Variants in KCNQ5 observed in about 807,000 individuals in gnomAD.
The protein encoded by KCNQ5 is potassium voltage-gated channel subfamily KQT member 5.
A neutral mutation model predicts 98.2 loss-of-function variants in KCNQ5; 30 were observed. That is an observed-to-expected ratio of 0.31 (90% CI 0.23 to 0.41). The LOEUF (loss-of-function observed/expected upper bound fraction) is 0.41, where lower values mean the gene tolerates loss of function less well. KCNQ5 is among the 10% of genes least tolerant of loss of function. KCNQ5 has a pLI of 1.00. For synonymous variants in KCNQ5, 458 were observed against 449.4 expected (o/e 1.02, Z -0.24); for missense variants, 835 against 1,182.5 (o/e 0.71, Z 4.31).
chr6:73,168,583 A>G (rs899724816), intron 10 of KCNQ5, among the ~76,000 whole-genome samples: 1 of 152,098 alleles, frequency 6.6e-6, no homozygotes, highest in African/African-American at 2.4e-5. Context: ...CGGTCCTGTA[A>G]TCCCAGCTAC....
At chr6:72,853,725 G>A (rs1375721644) in intron 1 of KCNQ5, among the ~76,000 whole-genome samples, 1 of 152,188 alleles carries the variant, frequency 6.6e-6, no homozygotes, top group Non-Finnish European at 1.5e-5. Context: ...AGGCACTGAA[G>A]GGAAGTGAAG....
intron 10 of KCNQ5, among the ~76,000 whole-genome samples, chr6:73,153,563 G>A (rs1777235707): frequency 6.6e-6 from 1 of 152,112 alleles, no homozygotes; most frequent in African/African-American, 2.4e-5. Context: ...ATCAAGTTCA[G>A]TCAAAGGCTA....
chr6:72,642,425 C>A (rs1051071733), intron 1 of KCNQ5, among the ~76,000 whole-genome samples: 4 of 151,890 alleles, frequency 2.6e-5, no homozygotes, highest in Non-Finnish European at 4.4e-5. Context: ...CACAGATCAA[C>A]CCTATCACCC....
intron 1 of KCNQ5, among the ~76,000 whole-genome samples, chr6:72,812,364 A>G (rs1419149783): frequency 6.6e-6 from 1 of 152,196 alleles, no homozygotes; most frequent in Non-Finnish European, 1.5e-5. Context: ...TGCCTCTGAC[A>G]CTACAATGCG....
At chr6:72,744,048 G>A (rs775372838) in intron 1 of KCNQ5, among the ~76,000 whole-genome samples, 6 of 152,058 alleles carry the variant, frequency 3.9e-5, no homozygotes, top group Non-Finnish European at 5.9e-5. Flanking sequence ...ATAATCACCA[G>A]GTCAGGGAAA....
intron 1 of KCNQ5, among the ~76,000 whole-genome samples, chr6:72,679,638 G>A (rs1767596139): frequency 6.6e-6 from 1 of 151,596 alleles, no homozygotes; most frequent in South Asian, 2.1e-4. Flanking sequence ...ATGAGTTAAT[G>A]GGTGCAGCAC....
intron 3 of KCNQ5, among the ~76,000 whole-genome samples, chr6:73,060,943 T>C (rs189556261): frequency 1.2e-3 from 183 of 152,252 alleles, no homozygotes; most frequent in Non-Finnish European, 2.3e-3. Context: ...TGGAAGAGTG[T>C]CAATATCTAC....
chr6:72,872,056 C>T (rs981784530), intron 1 of KCNQ5, among the ~76,000 whole-genome samples: 1 of 152,138 alleles, frequency 6.6e-6, no homozygotes, highest in East Asian at 1.9e-4. Context: ...ATGCATGTTT[C>T]TTGACAGAGT....
At chr6:73,095,081 A>G (rs1475981132) in intron 5 of KCNQ5, among the ~76,000 whole-genome samples, 1 of 152,174 alleles carries the variant, frequency 6.6e-6, no homozygotes, top group African/African-American at 2.4e-5. Flanking sequence ...TGGTCATCTA[A>G]CATAATCCCA....
At chr6:73,129,939 C>G (rs1211984592) in intron 9 of KCNQ5, 7 of 997,692 alleles carry the variant, frequency 7.0e-6, no homozygotes, top group Non-Finnish European at 1.1e-5. Flanking sequence ...CCCACCTGAG[C>G]CCTGTTCAGA....
At chr6:73,121,553 G>A (rs1310864814) in intron 8 of KCNQ5, among the ~76,000 whole-genome samples, 2 of 152,140 alleles carry the variant, frequency 1.3e-5, no homozygotes, top group Admixed American at 6.5e-5. Flanking sequence ...TTGCTCATCC[G>A]ACATTTGAGA....
chr6:73,168,753 A>G (rs1777899154), intron 10 of KCNQ5, among the ~76,000 whole-genome samples: 1 of 152,132 alleles, frequency 6.6e-6, no homozygotes, highest in African/African-American at 2.4e-5. Flanking sequence ...CTCCTCTTTC[A>G]TGAGAGCATT....
chr6:72,983,383 T>C (rs138811092), intron 1 of KCNQ5, among the ~76,000 whole-genome samples: 8,366 of 152,236 alleles, frequency 0.055, 792 homozygotes, highest in African/African-American at 0.19. Context: ...TTTACTCTTT[T>C]TTCTCTAAAC....
At chr6:73,170,504 GGCC>G (rs1203045488) in intron 11 of KCNQ5, among the ~76,000 whole-genome samples, 2 of 150,006 alleles carry the variant, frequency 1.3e-5, no homozygotes, top group African/African-American at 4.9e-5. Context: ...ATGCTCAGCT[GGCC>G]CAGTTTAACC....
chr6:72,939,139 C>T (rs1018743949), intron 1 of KCNQ5, among the ~76,000 whole-genome samples: 1 of 152,184 alleles, frequency 6.6e-6, no homozygotes, highest in Non-Finnish European at 1.5e-5. Context: ...ACAGAACGCT[C>T]AGTGCTTTTG....
At chr6:72,668,587 T>C (rs1054440754) in intron 1 of KCNQ5, among the ~76,000 whole-genome samples, 1 of 151,992 alleles carries the variant, frequency 6.6e-6, no homozygotes, top group Admixed American at 6.5e-5. Flanking sequence ...GGTGATTCAT[T>C]AGTAGATGTC....
At chr6:73,192,529 C>A in intron 12 of KCNQ5, 36 bp from the exon 13 acceptor site, 1 of 1,563,884 alleles carries the variant, frequency 6.4e-7, no homozygotes, top group South Asian at 1.2e-5. Context: ...TCTCCACCTT[C>A]AGCCCTCATA....
At chr6:72,840,020 C>T (rs1776718484) in intron 1 of KCNQ5, among the ~76,000 whole-genome samples, 1 of 152,198 alleles carries the variant, frequency 6.6e-6, no homozygotes, top group Non-Finnish European at 1.5e-5. Flanking sequence ...TCCCTCCCAA[C>T]CTCTGGTAAC....
chr6:73,075,285 C>T lies in KCNQ5; in HGVS notation c.617-2037C>T, dbSNP rs558114647. Among the ~76,000 whole-genome samples the T allele has an allele frequency of 2.4e-3, 355 of 150,550 alleles. 1 individual carries two copies. Among genetic ancestry groups the T allele is most frequent in the South Asian group, 0.011 (53 of 4,770 alleles). On this transcript the variant is annotated intron_variant, in intron 3 of 13. Transcript: ENST00000370398. Reference sequence around the variant, plus strand: ...GTCGCTAGGCTGGAGTGCAGTGGCACGATCTTGGCTCACTGCAACCTCCGC... The same window carrying T: ...GTCGCTAGGCTGGAGTGCAGTGGCATGATCTTGGCTCACTGCAACCTCCGC...
Sources: allele counts gnomAD v4.1 joint callset (sites outside exome capture counted in the v4.1 genomes callset), GRCh38; gene constraint gnomAD v4.1.1; transcripts MANE v1.5; gene names NCBI Gene and HGNC (gene_info 2026-07-23, HGNC 2026-07-21).